The following RBM28 variants were observed in gnomAD, a reference collection of about 807,000 sequenced individuals.
RBM28 encodes the protein RNA-binding protein 28.
A neutral mutation model predicts 98.3 loss-of-function variants in RBM28; 78 were observed. The observed-to-expected ratio is 0.79, with a 90% CI of 0.66 to 0.96. RBM28 has a LOEUF of 0.96. RBM28 is among the 40% of genes least tolerant of loss of function. The pLI, the probability that RBM28 is intolerant of heterozygous loss-of-function variation, is 0.00. For synonymous variants in RBM28, 306 were observed against 330.9 expected (o/e 0.92, Z 0.82); for missense variants, 838 against 913.0 (o/e 0.92, Z 1.06).
chr7:128,340,610 T>C (rs890723437), intron 1 of RBM28, among the ~76,000 whole-genome samples: 4 of 152,122 alleles, frequency 2.6e-5, no homozygotes, highest in Non-Finnish European at 4.4e-5. Context: ...GCTTCAAAAA[T>C]CAGAACACAA....
rs1408268178 is a variant in RBM28, at chr7:128,300,757, A to G, written c.*10040T>C. 1 of 152,292 alleles carries G rather than the reference A, an allele frequency of 6.6e-6. No homozygotes were observed. Among genetic ancestry groups the G allele is most frequent in the Non-Finnish European group, 1.5e-5 (1 of 68,076 alleles). The allele number at this position is 152,292 out of a possible 1,614,324, so 9.4% of individuals were successfully genotyped here. On this transcript the variant is annotated 3_prime_UTR_variant, in exon 19 of 19. Coordinates refer to ENST00000223073, the MANE Select transcript of RBM28 (RefSeq NM_018077.3). ...GGTGCGGTTGCATGGATTGATGTCA[A>G]AAGCCTCCCAAGGCCCAGTCTGGGC...
Position 128,324,711 on chromosome 7 carries a change from C to T in RBM28, c.1204-17G>A, listed in dbSNP as rs192469427. On this transcript the variant is annotated splice_polypyrimidine_tract_variant and intron_variant, in intron 11 of 18. Transcript: ENST00000223073. ...CCCACCAGCCTGTAACAGATCACAACCCTTTCTTAAAACACATAATGGCCG... is the reference window on the plus strand; with the variant it reads ...CCCACCAGCCTGTAACAGATCACAATCCTTTCTTAAAACACATAATGGCCG... The T allele has an allele frequency of 4.0e-5, 64 of 1,614,126 alleles. No homozygotes were observed. The African/African-American group carries it at 7.6e-4, about 19-fold the overall frequency.
At position 128,342,491 on chromosome 7, in the gene RBM28, G is replaced by A. The variant is rs115744227; in HGVS notation, c.118+1185C>T. Among the ~76,000 whole-genome samples the A allele has an allele frequency of 3.2e-3, 485 of 152,106 alleles. 3 individuals are homozygous for A. The highest frequency in any genetic ancestry group is 0.011 in the African/African-American group (464 of 41,486). ...GAGGTCTCGAGTTCCAGACAACCCT[G>A]GCCAACATAGCGAAACCCCGTCTCT... On this transcript the variant is annotated intron_variant, in intron 1 of 18. Transcript: ENST00000223073.
intron 16 of RBM28, among the ~76,000 whole-genome samples, chr7:128,316,193 T>C (rs1432586525): frequency 2.0e-5 from 3 of 152,114 alleles, no homozygotes; most frequent in East Asian, 1.9e-4. Context: ...CAGGTGGAGA[T>C]AAGAGATGCA....
intron 16 of RBM28, among the ~76,000 whole-genome samples, chr7:128,315,518 A>G (rs1796088100): frequency 6.6e-6 from 1 of 152,214 alleles, no homozygotes; most frequent in Admixed American, 6.5e-5. Context: ...AAATCTTGAA[A>G]GAAGCCAGAC....
In RBM28 at chr7:128,337,153, A is replaced by G. The variant is rs1163309768; in HGVS notation, c.591T>C (p.Asp197=). The change falls in exon 6 of 19, where the codon GAT becomes GAC. Residue 197 remains aspartate (D), a synonymous_variant. Coordinates refer to ENST00000223073, the MANE Select transcript of RBM28 (RefSeq NM_018077.3). ...DWAVAKDKYK[D]TQSVSAIGEE... is the part of the protein sequence containing the mutation. ...TACCTATAGCAGAAACAGACTGTGT[A>G]TCTTTATATTTATCCTTTGCCACGG... The G allele has an allele frequency of 1.5e-5, 25 of 1,614,050 alleles. No individual in the cohort carries two copies. The highest frequency in any genetic ancestry group is 2.0e-5 in the Non-Finnish European group (24 of 1,180,010).
intron 10 of RBM28, 54 bp downstream of exon 10, chr7:128,330,765 G>C: frequency 8.1e-7 from 1 of 1,231,766 alleles, no homozygotes; most frequent in South Asian, 1.2e-5. Context: ...CCTAGTCAGT[G>C]CCCACGGCAG....
At chr7:128,312,627 T>C (rs1796010919) in intron 18 of RBM28, among the ~76,000 whole-genome samples, 1 of 137,024 alleles carries the variant, frequency 7.3e-6, no homozygotes, top group Non-Finnish European at 1.6e-5. Context: ...AAAAAAATGA[T>C]TTAAGAAATT....
intron 1 of RBM28, among the ~76,000 whole-genome samples, chr7:128,342,930 C>T (rs572326093): frequency 2.9e-4 from 44 of 152,322 alleles, no homozygotes; most frequent in African/African-American, 1.0e-3. Flanking sequence ...TATTGCCACT[C>T]TTCACCCCCT....
intron 10 of RBM28, among the ~76,000 whole-genome samples, chr7:128,328,515 T>A (rs1479416921): frequency 1.3e-5 from 2 of 152,150 alleles, no homozygotes; most frequent in Non-Finnish European, 2.9e-5. Context: ...GGAAGGACAA[T>A]ACATTTTTTT....
chr7:128,323,435 G>A, intron 13 of RBM28, 92 bp downstream of exon 13: 1 of 1,436,210 alleles, frequency 7.0e-7, no homozygotes, highest in Non-Finnish European at 9.8e-7. Flanking sequence ...ACCATACTGG[G>A]CTCTTTGATG....
In RBM28 at chr7:128,335,692, A is replaced by C. The variant is rs1268976226; in HGVS notation, c.810-13T>G. Reference sequence around the variant, plus strand: ...TCTCTTGACTGCTCTGCAATGGCACAGATCAGAACTAAGGAGGTGGGCTGA... The same window carrying C: ...TCTCTTGACTGCTCTGCAATGGCACCGATCAGAACTAAGGAGGTGGGCTGA... On this transcript the variant is annotated splice_polypyrimidine_tract_variant and intron_variant, in intron 7 of 18. Transcript: ENST00000223073. 6.2e-7 allele frequency: 1 copy of C among 1,614,090 alleles called. No homozygotes were observed. Among genetic ancestry groups the C allele is most frequent in the African/African-American group, 1.3e-5 (1 of 74,936 alleles).
chr7:128,309,607 T>G lies in RBM28; in HGVS notation c.*1190A>C, dbSNP rs1795936508. The G allele has an allele frequency of 7.4e-6, 1 of 134,758 alleles. No individual in the cohort carries two copies. Among genetic ancestry groups the G allele is most frequent in the Non-Finnish European group, 1.5e-5 (1 of 65,430 alleles). The allele number at this position is 134,758 out of a possible 1,614,324, so 8.3% of individuals were successfully genotyped here. Reference sequence around the variant, plus strand: ...GAGACAGCGCCATTGCACTCCAGCCTGGGCGACAGAGTGAGACTCCATCTC... The same window carrying G: ...GAGACAGCGCCATTGCACTCCAGCCGGGGCGACAGAGTGAGACTCCATCTC... On this transcript the variant is annotated 3_prime_UTR_variant, in exon 19 of 19. Transcript: ENST00000223073.
intron 10 of RBM28, among the ~76,000 whole-genome samples, chr7:128,330,193 A>C (rs1584653786): frequency 6.6e-6 from 1 of 152,096 alleles, no homozygotes; most frequent in East Asian, 1.9e-4. Flanking sequence ...ATTTCAAGCA[A>C]TGTGGAATGA....
intron 18 of RBM28, 157 bp downstream of exon 18, chr7:128,313,018 A>G (rs1796019840): frequency 3.5e-5 from 26 of 742,236 alleles, no homozygotes; most frequent in Non-Finnish European, 5.7e-5. Flanking sequence ...TTTTCTCTCC[A>G]CTTTTAAGAT....
At chr7:128,331,115 C>CAAA (rs1430844603) in intron 9 of RBM28, among the ~76,000 whole-genome samples, 187 bp from the exon 10 acceptor site, 1 of 152,146 alleles carries the variant, frequency 6.6e-6, no homozygotes, top group Non-Finnish European at 1.5e-5. Context: ...TTCTCTTTCT[C>CAAA]AGGAATCTGA....
chr7:128,315,171 G>C, intron 16 of RBM28, 151 bp from the exon 17 acceptor site: 1 of 1,174,146 alleles, frequency 8.5e-7, no homozygotes, highest in South Asian at 1.3e-5. Context: ...AATACATGTA[G>C]ATCACAAGCC....
rs1796580425 is a variant in RBM28 at position 128,335,637 on chromosome 7, AG to A, written c.851del (p.Ser284LeufsTer7). The A allele has an allele frequency of 1.1e-5, 18 of 1,614,110 alleles. No individual in the cohort carries two copies. Among genetic ancestry groups the A allele is most frequent in the Non-Finnish European group, 1.4e-5 (17 of 1,180,036 alleles). ...RPAPAKSSDH[S>X]EEDSDLEESD... ...TTTCCTCTAGGTCACTGTCCTCCTC[AG>A]AATGATCACTGCTTTTTGCAGGGGC... On this transcript the variant is annotated frameshift_variant, in exon 8 of 19. Coordinates refer to ENST00000223073, the MANE Select transcript of RBM28 (RefSeq NM_018077.3). LOFTEE classifies it high-confidence loss of function.
At chr7:128,313,777 G>A (rs1353218498) in intron 17 of RBM28, among the ~76,000 whole-genome samples, 1 of 152,054 alleles carries the variant, frequency 6.6e-6, no homozygotes, top group East Asian at 1.9e-4. Context: ...TTCTCGTGAC[G>A]GTGAATGAGT....
Sources: allele counts gnomAD v4.1 joint callset (sites outside exome capture counted in the v4.1 genomes callset), GRCh38; gene constraint gnomAD v4.1.1; transcripts MANE v1.5; gene names NCBI Gene and HGNC (gene_info 2026-07-23, HGNC 2026-07-21).